TIE1: variants seen among roughly 807,000 people sequenced by gnomAD.
TIE1 encodes the protein tyrosine kinase with immunoglobulin like and EGF like domains 1, also known as tyrosine-protein kinase receptor Tie-1.
Under a neutral mutation model 130.5 loss-of-function variants are expected in TIE1, and 89 were observed. That is an observed-to-expected ratio of 0.68 (90% CI 0.57 to 0.81). The LOEUF is 0.81. Ranked by LOEUF, TIE1 falls within the 40% of genes least tolerant of loss-of-function variation. The probability of loss-of-function intolerance (pLI) is 0.00; values close to 1 mark genes in which losing one functional copy is unlikely to be tolerated. For missense variants in TIE1, 1,392 were observed against 1,559.8 expected, an observed-to-expected ratio of 0.89 and a Z score of 1.81; for synonymous variants, 568 against 629.4, an observed-to-expected ratio of 0.90 and a Z score of 1.46.
chr1:43,301,896 T>C (rs1646674523), intron 1 of TIE1, among the ~76,000 whole-genome samples: 1 of 152,122 alleles, frequency 6.6e-6, no homozygotes, highest in Non-Finnish European at 1.5e-5. Flanking sequence ...AAAATTTATT[T>C]TATATGCATT....
In TIE1 at chr1:43,322,800, C is replaced by G; in HGVS notation, c.*78C>G. 7.2e-7 allele frequency: 1 copy of G among 1,385,182 alleles called. No individual in the cohort carries two copies. The allele number at this position is 1,385,182 out of a possible 1,614,324, so 85.8% of individuals were successfully genotyped here. On this transcript the variant is annotated 3_prime_UTR_variant, in exon 23 of 23. Coordinates refer to ENST00000372476, the MANE Select transcript of TIE1 (RefSeq NM_005424.5). This position sits in a 1 kb window ranked among gnomAD's most constrained non-coding sequence, Gnocchi z 4.0. ...TAACCTGTGACCAGTCTGACCCTTACAGCCTCTGACTTAAGCTGCCTCAAG... is the reference window on the plus strand; with the variant it reads ...TAACCTGTGACCAGTCTGACCCTTAGAGCCTCTGACTTAAGCTGCCTCAAG...
intron 1 of TIE1, among the ~76,000 whole-genome samples, chr1:43,302,704 G>A (rs1646681834): frequency 6.6e-6 from 1 of 152,108 alleles, no homozygotes; most frequent in South Asian, 2.1e-4. Flanking sequence ...ATTATCCTGA[G>A]GGCAATAGGG....
chr1:43,310,963 T>TTGACTA (rs1449824740), intron 9 of TIE1, among the ~76,000 whole-genome samples: 3 of 152,188 alleles, frequency 2.0e-5, no homozygotes, highest in African/African-American at 7.2e-5. Context: ...CAAGGGAACC[T>TTGACTA]GTTAAAAGCA....
At position 43,317,560 on chromosome 1, in the gene TIE1, A is replaced by C; in HGVS notation, c.2621-4A>C. The C allele has an allele frequency of 6.2e-7, 1 of 1,610,584 alleles. No individual in the cohort carries two copies. ...GGCAAAATAATATTGGATTCTTTAC[A>C]CAGAGTATGCCTCTGAAAATGACCA... On this transcript the variant is annotated splice_region_variant and splice_polypyrimidine_tract_variant and intron_variant, in intron 15 of 22. Coordinates refer to ENST00000372476, the MANE Select transcript of TIE1 (RefSeq NM_005424.5). The surrounding 1 kb of genome is among the most constrained non-coding windows in gnomAD (Gnocchi z 5.1).
chr1:43,312,397 C>T lies in TIE1; in HGVS notation c.1723C>T (p.Leu575=). ...GTCCTTGCCCTTGGTGCCCGGGCCA[C>T]TGGTGGGCGACGGTTTCCTGCTGCG... ...SWSLPLVPGP[L]VGDGFLLRLW... The change falls in exon 12 of 23, where the codon CTG becomes TTG. Residue 575 remains leucine, a synonymous_variant. Transcript: ENST00000372476. The surrounding 1 kb of genome is among the most constrained non-coding windows in gnomAD (Gnocchi z 5.6). 5.0e-6 allele frequency: 8 copies of T among 1,606,240 alleles called. No homozygotes were observed. The highest frequency in any genetic ancestry group is 6.8e-6 in the Non-Finnish European group (8 of 1,176,362).
rs1646884287 is a variant in TIE1 at position 43,318,599 on chromosome 1, G to A, written c.2922+527G>A. On this transcript the variant is annotated intron_variant, in intron 17 of 22. Transcript: ENST00000372476. The surrounding 1 kb of genome is among the most constrained non-coding windows in gnomAD (Gnocchi z 4.4). ...GCTCACTACAACCTCTGCCTCCTGGGTTCAAGCAATTCTCCTGCCTCAGCC... is the reference window on the plus strand; with the variant it reads ...GCTCACTACAACCTCTGCCTCCTGGATTCAAGCAATTCTCCTGCCTCAGCC... 1.3e-5 allele frequency among the ~76,000 whole-genome samples: 2 copies of A among 151,998 alleles called. No individual in the cohort carries two copies. The highest frequency in any genetic ancestry group is 4.8e-5 in the African/African-American group (2 of 41,354).
rs1259790671 is a variant in TIE1 at position 43,315,662 on chromosome 1, A to G, written c.2410-1537A>G. 6.6e-6 allele frequency among the ~76,000 whole-genome samples: 1 copy of G among 152,124 alleles called. No individual in the cohort carries two copies. Among genetic ancestry groups the G allele is most frequent in the Non-Finnish European group, 1.5e-5 (1 of 68,024 alleles). On this transcript the variant is annotated intron_variant, in intron 14 of 22. Coordinates refer to ENST00000372476, the MANE Select transcript of TIE1 (RefSeq NM_005424.5). This position sits in a 1 kb window ranked among gnomAD's most constrained non-coding sequence, Gnocchi z 4.4. ...GAGTGAGTGAGACTCCATCTCAAAAAAAAAAATCCATTCAGAGATTCAATT... is the reference window on the plus strand; with the variant it reads ...GAGTGAGTGAGACTCCATCTCAAAAGAAAAAATCCATTCAGAGATTCAATT...
chr1:43,311,789 C>G lies in TIE1; in HGVS notation c.1452C>G (p.Tyr484Ter), dbSNP rs201732386. 1.2e-6 allele frequency: 2 copies of G among 1,614,124 alleles called. No homozygotes were observed. The highest frequency in any genetic ancestry group is 1.7e-6 in the Non-Finnish European group (2 of 1,179,996). ...DGPISTVRLH[Y>*]RPQDSTMDWS... is the part of the protein sequence containing the mutation. ...CCATCTCCACTGTCCGCCTGCACTA[C>G]CGGCCCCAGGACAGTACCATGGACT... The change falls in exon 10 of 23, where the codon TAC becomes TAG. Residue 484 changes from tyrosine to a stop codon, truncating the protein, a stop_gained. Transcript: ENST00000372476. LOFTEE classifies it high-confidence loss of function.
chr1:43,312,735 T>G lies in TIE1; in HGVS notation c.1927+134T>G. 1 of 1,067,706 alleles carries G rather than the reference T, an allele frequency of 9.4e-7. No individual in the cohort carries two copies. Among genetic ancestry groups the G allele is most frequent in the Non-Finnish European group, 1.3e-6 (1 of 763,870 alleles). 66.1% of individuals were successfully genotyped at this position (1,067,706 alleles called of 1,614,324 possible). A position where few individuals can be genotyped will look rare whatever the true frequency, so the allele number is the denominator to read the frequency against. ...AGGACACAGGACACACATAGGGTAT[T>G]AGGCAGACGTGACCCCAGCGGGGAC... On this transcript the variant is annotated intron_variant, in intron 12 of 22. Transcript: ENST00000372476. The surrounding 1 kb of genome is among the most constrained non-coding windows in gnomAD (Gnocchi z 5.6).
chr1:43,308,092 G>A (rs2153910988), intron 7 of TIE1, among the ~76,000 whole-genome samples, 168 bp downstream of exon 7: 1 of 152,328 alleles, frequency 6.6e-6, no homozygotes, highest in Admixed American at 6.5e-5. Context: ...AGTCAGTCTG[G>A]TAGGGAGTCA....
intron 14 of TIE1, chr1:43,314,216 A>C: frequency 1.4e-6 from 1 of 699,640 alleles, no homozygotes; most frequent in African/African-American, 1.8e-5. Context: ...TTTCAAAAGA[A>C]TTCCGTGATG....
At chr1:43,320,587 T>A (rs959109100) in intron 19 of TIE1, 2 of 151,962 alleles carry the variant, frequency 1.3e-5, no homozygotes, top group African/African-American at 2.4e-5. Flanking sequence ...GCGTGGTGGC[T>A]CACGCCTGTA....
At chr1:43,311,629 G>A (rs752355442) in intron 9 of TIE1, 42 bp from the exon 10 acceptor site, 2 of 1,589,740 alleles carry the variant, frequency 1.3e-6, no homozygotes, top group African/African-American at 1.3e-5. Context: ...AAGTGGACTG[G>A]ATAGGCTGTG....
chr1:43,305,666 G>A (rs904520099), intron 3 of TIE1, among the ~76,000 whole-genome samples: 2 of 152,180 alleles, frequency 1.3e-5, no homozygotes, highest in Admixed American at 1.3e-4. Flanking sequence ...CTGGCAGACC[G>A]CATCAGTCCC....
chr1:43,317,374 G>A lies in TIE1; in HGVS notation c.2585G>A (p.Gly862Glu), dbSNP rs757240613. ...QVIRAMIKKD[G>E]LKMNAAIKML... Reference sequence around the variant, plus strand: ...ATCCGGGCCATGATCAAGAAGGACGGGCTGAAGATGAACGCAGCCATCAAA... The same window carrying A: ...ATCCGGGCCATGATCAAGAAGGACGAGCTGAAGATGAACGCAGCCATCAAA... The change falls in exon 15 of 23, where the codon GGG becomes GAG. Residue 862 changes from glycine to glutamate, a missense_variant. Around this residue, in one of 6 missense-constraint regions of TIE1, gnomAD observed 286 missense variants for 354.4 expected, o/e 0.81. Coordinates refer to ENST00000372476, the MANE Select transcript of TIE1 (RefSeq NM_005424.5). This position sits in a 1 kb window ranked among gnomAD's most constrained non-coding sequence, Gnocchi z 5.1. 1.2e-6 allele frequency: 2 copies of A among 1,614,028 alleles called. No individual in the cohort carries two copies. Among genetic ancestry groups the A allele is most frequent in the African/African-American group, 1.3e-5 (1 of 74,982 alleles).
chr1:43,321,055 C>CA (rs1237782969), intron 19 of TIE1, among the ~76,000 whole-genome samples: 10 of 121,196 alleles, frequency 8.3e-5, no homozygotes, highest in East Asian at 2.5e-4. Flanking sequence ...AAAAAAAAAA[C>CA]AAAACAAAAG....
At position 43,322,870 on chromosome 1, in the gene TIE1, G is replaced by A; in HGVS notation, c.*148G>A. 3 of 684,118 alleles carry A rather than the reference G, an allele frequency of 4.4e-6. No homozygotes were observed. The highest frequency in any genetic ancestry group is 7.4e-6 in the Non-Finnish European group (3 of 404,014). 42.4% of individuals were successfully genotyped at this position (684,118 alleles called of 1,614,324 possible). On this transcript the variant is annotated 3_prime_UTR_variant, in exon 23 of 23. Coordinates refer to ENST00000372476, the MANE Select transcript of TIE1 (RefSeq NM_005424.5). This position sits in a 1 kb window ranked among gnomAD's most constrained non-coding sequence, Gnocchi z 4.0. ...GAGAAAAAAAGGGATCTGGGGATGGGGTGGGCTTAGGGGAACTGGGTTCCC... is the reference window on the plus strand; with the variant it reads ...GAGAAAAAAAGGGATCTGGGGATGGAGTGGGCTTAGGGGAACTGGGTTCCC...
intron 1 of TIE1, among the ~76,000 whole-genome samples, chr1:43,303,849 C>T (rs1646695039): frequency 6.6e-6 from 1 of 152,166 alleles, no homozygotes; most frequent in Non-Finnish European, 1.5e-5. Flanking sequence ...CTGTACCTCC[C>T]AGGAAGCATC....
rs1175709782 is a variant in TIE1 at position 43,309,774 on chromosome 1, GC to G, written c.1333+246del. Among the ~76,000 whole-genome samples, 6 of 152,084 alleles carry G rather than the reference GC, an allele frequency of 3.9e-5. No homozygotes were observed. The highest frequency in any genetic ancestry group is 1.2e-4 in the African/African-American group (5 of 41,414). ...CCCCAGAAACTGGGGACACTCTCCA[GC>G]CCCGCCCTTCCTCCTGCCCAGCCAT... On this transcript the variant is annotated intron_variant, in intron 9 of 22. Transcript: ENST00000372476. The surrounding 1 kb of genome is among the most constrained non-coding windows in gnomAD (Gnocchi z 6.3).
Sources: allele counts gnomAD v4.1 joint callset (sites outside exome capture counted in the v4.1 genomes callset), GRCh38; gene constraint gnomAD v4.1.1; regional missense constraint gnomAD v4.1.1; non-coding constraint Gnocchi (gnomAD v3.1); transcripts MANE v1.5; gene names NCBI Gene and HGNC (gene_info 2026-07-23, HGNC 2026-07-21).